Variants in GRAMD4 observed in about 807,000 individuals in gnomAD.
The protein encoded by GRAMD4 is GRAM domain containing 4, also known as GRAM domain-containing protein 4.
Under a neutral mutation model 83.9 loss-of-function variants are expected in GRAMD4, and 25 were observed. The observed-to-expected ratio is 0.30, with a 90% CI of 0.22 to 0.42. The LOEUF is 0.42. GRAMD4 is among the 10% of genes least tolerant of loss of function. The pLI is 1.00. For synonymous variants in GRAMD4, 336 were observed against 320.9 expected (o/e 1.05, Z -0.50); for missense variants, 593 against 788.7 (o/e 0.75, Z 2.97).
At chr22:46,634,945 CAAAAAAAAAA>C (rs879672333) in intron 2 of GRAMD4, among the ~76,000 whole-genome samples, 1 of 128,388 alleles carries the variant, frequency 7.8e-6, no homozygotes, top group Admixed American at 7.9e-5. Flanking sequence ...TTCACCATCT[CAAAAAAAAAA>C]AAAAGAAATC....
At chr22:46,656,021 T>C (rs11703387) in intron 3 of GRAMD4, among the ~76,000 whole-genome samples, 58,095 of 151,956 alleles carry the variant, frequency 0.38, 11,326 homozygotes, top group Middle Eastern at 0.47. Context: ...CTGATGAGAC[T>C]GGGCAGCCCG....
chr22:46,588,034 A>G lies in GRAMD4; in HGVS notation c.-50+10744A>G, dbSNP rs190285152. On this transcript the variant is annotated intron_variant, in intron 1 of 1. Coordinates refer to the GRAMD4 transcript ENST00000431155. Reference sequence around the variant, plus strand: ...GAGTGGGTGGTGTCTACTTGGCTCTAGATGTCGGGTTTAGAGAGAGACTCT... The same window carrying G: ...GAGTGGGTGGTGTCTACTTGGCTCTGGATGTCGGGTTTAGAGAGAGACTCT... 23 of 803,634 alleles carry G rather than the reference A, an allele frequency of 2.9e-5. No homozygotes were observed. In the African/African-American group the frequency reaches 3.9e-4, roughly 14 times the overall value. The allele number at this position is 803,634 out of a possible 1,614,324, so 49.8% of individuals were successfully genotyped here.
At chr22:46,612,481 G>A (rs2081427552) in intron 1 of GRAMD4, among the ~76,000 whole-genome samples, 1 of 152,174 alleles carries the variant, frequency 6.6e-6, no homozygotes, top group East Asian at 1.9e-4. Flanking sequence ...GGGGAAGTGA[G>A]GGCACAGTGC....
chr22:46,611,087 G>A (rs1250342348), intron 1 of GRAMD4, among the ~76,000 whole-genome samples: 1 of 151,854 alleles, frequency 6.6e-6, no homozygotes, highest in African/African-American at 2.4e-5. Flanking sequence ...ATGGTGGCAG[G>A]TGCCTGTAAT....
chr22:46,637,060 C>T (rs944633940), intron 2 of GRAMD4, among the ~76,000 whole-genome samples: 4 of 152,112 alleles, frequency 2.6e-5, no homozygotes, highest in Non-Finnish European at 4.4e-5. Flanking sequence ...CCCTTCTGCC[C>T]GGGGGCCAGT....
intron 1 of GRAMD4, among the ~76,000 whole-genome samples, chr22:46,588,864 G>C (rs974964792): frequency 1.3e-5 from 2 of 152,128 alleles, no homozygotes; most frequent in Non-Finnish European, 2.9e-5. Flanking sequence ...CTCAGGTCCT[G>C]TCATAGCTGT....
chr22:46,640,034 G>A (rs1157258970), intron 3 of GRAMD4, among the ~76,000 whole-genome samples: 1 of 152,208 alleles, frequency 6.6e-6, no homozygotes, highest in African/African-American at 2.4e-5. Flanking sequence ...CCTGGGCGGT[G>A]GCAGCAGGGG....
intron 1 of GRAMD4, among the ~76,000 whole-genome samples, chr22:46,584,820 T>G (rs746113505): frequency 1.1e-4 from 16 of 152,174 alleles, no homozygotes; most frequent in Non-Finnish European, 1.6e-4. Flanking sequence ...GGCTTGGCGT[T>G]GCTTTGAGAC....
intron 3 of GRAMD4, among the ~76,000 whole-genome samples, chr22:46,654,525 G>T (rs1299322952): frequency 6.6e-6 from 1 of 152,230 alleles, no homozygotes; most frequent in Non-Finnish European, 1.5e-5. Context: ...GGGGGGCTGG[G>T]GGCTCGTGCC....
intron 1 of GRAMD4, among the ~76,000 whole-genome samples, chr22:46,611,724 C>T (rs971043429): frequency 2.0e-5 from 3 of 151,658 alleles, no homozygotes; most frequent in African/African-American, 7.3e-5. Context: ...GGTGTGGTGG[C>T]TCATGCCTGT....
At chr22:46,681,812 G>C (rs1361131481), downstream of GRAMD4, among the ~76,000 whole-genome samples, 2 of 152,200 alleles carry the variant, frequency 1.3e-5, no homozygotes, top group African/African-American at 2.4e-5. Flanking sequence ...AAATCAGAGA[G>C]GGCCTCACAT....
intron 1 of GRAMD4, among the ~76,000 whole-genome samples, chr22:46,614,332 C>A (rs2081448105): frequency 6.6e-6 from 1 of 152,198 alleles, no homozygotes; most frequent in East Asian, 1.9e-4. Context: ...TCTAGACTTA[C>A]CAAACTGATG....
At chr22:46,602,489 C>A (rs1056434423) in intron 1 of GRAMD4, among the ~76,000 whole-genome samples, 1 of 152,078 alleles carries the variant, frequency 6.6e-6, no homozygotes, top group Non-Finnish European at 1.5e-5. Flanking sequence ...ATGGCAAAAC[C>A]CTGTCTTTAC....
chr22:46,663,000 C>T (rs45440696), intron 5 of GRAMD4, 40 bp from the exon 6 acceptor site: 22,937 of 1,559,230 alleles, frequency 0.015, 228 homozygotes, highest in South Asian at 0.017. Context: ...ACAGGCAGTG[C>T]AGCCCTGCCG....
chr22:46,611,594 A>G (rs1473890622), intron 1 of GRAMD4, among the ~76,000 whole-genome samples: 1 of 152,064 alleles, frequency 6.6e-6, no homozygotes, highest in Non-Finnish European at 1.5e-5. Context: ...TCGTCCTTTC[A>G]TCCTGCTTTG....
chr22:46,586,137 GGCTGCCCTC>G (rs2081147488), intron 1 of GRAMD4, among the ~76,000 whole-genome samples: 1 of 152,086 alleles, frequency 6.6e-6, no homozygotes, highest in Admixed American at 6.5e-5. Flanking sequence ...GGGGAGCCAG[GGCTGCCCTC>G]GCTGGGGATG....
downstream of GRAMD4, among the ~76,000 whole-genome samples, chr22:46,680,290 CT>C (rs890609545): frequency 6.6e-6 from 1 of 152,018 alleles, no homozygotes; most frequent in African/African-American, 2.4e-5. Context: ...ACCTGCCTGG[CT>C]TTTGAAACCC....
At chr22:46,602,213 G>A (rs1438098779) in intron 1 of GRAMD4, among the ~76,000 whole-genome samples, 2 of 152,354 alleles carry the variant, frequency 1.3e-5, no homozygotes, top group East Asian at 3.9e-4. Flanking sequence ...TCGTGCGTGT[G>A]AGAGACTAGG....
chr22:46,620,428 A>G lies in GRAMD4; in HGVS notation c.-187A>G. The G allele has an allele frequency of 1.0e-6, 1 of 984,840 alleles. No individual in the cohort carries two copies. The highest frequency in any genetic ancestry group is 1.2e-6 in the Non-Finnish European group (1 of 829,786). The allele number at this position is 984,840 out of a possible 1,614,324, so 61.0% of individuals were successfully genotyped here. A position where few individuals can be genotyped will look rare whatever the true frequency, so the allele number is the denominator to read the frequency against. ...TCCAGGCTCCAGGGCAGCAGACACC[A>G]CCCTCTCCGTGCCTGCTGGTGTTGG... On this transcript the variant is annotated 5_prime_UTR_variant, in exon 1 of 19. Transcript: ENST00000406902. This position sits in a 1 kb window ranked among gnomAD's most constrained non-coding sequence, Gnocchi z 4.7.
Sources: gnomAD v4.1 joint callset for allele counts (sites outside exome capture counted in the v4.1 genomes callset) on GRCh38, gnomAD v4.1.1 for gene constraint, Gnocchi (gnomAD v3.1) non-coding constraint, MANE v1.5 for transcripts, NCBI Gene and HGNC (gene_info 2026-07-23, HGNC 2026-07-21) for gene names.